Variants in SPIDR observed in about 807,000 individuals in gnomAD.
SPIDR encodes the protein scaffold protein involved in DNA repair.
SPIDR carries 93 observed loss-of-function variants against 104.6 expected under a neutral mutation model. The ratio of observed to expected loss-of-function variants is 0.89; its 90% confidence interval spans 0.75 to 1.06. The LOEUF is 1.06. Ranked by LOEUF, SPIDR falls within the 50% of genes least tolerant of loss-of-function variation. The pLI, the probability that SPIDR is intolerant of heterozygous loss-of-function variation, is 0.00. For missense variants in SPIDR, 1,154 were observed against 1,111.2 expected (o/e 1.04, Z -0.55); for synonymous variants, 431 against 416.9 (o/e 1.03, Z -0.41).
chr8:47,711,793 A>G (rs916690792), intron 14 of SPIDR, among the ~76,000 whole-genome samples: 11 of 152,236 alleles, frequency 7.2e-5, no homozygotes, highest in African/African-American at 2.4e-4. Context: ...TCCAACAGTA[A>G]GAAGCTTGGC....
At chr8:47,503,778 G>A (rs2080977641) in intron 8 of SPIDR, among the ~76,000 whole-genome samples, 1 of 152,142 alleles carries the variant, frequency 6.6e-6, no homozygotes, top group African/African-American at 2.4e-5. Context: ...GGTACCGGTT[G>A]TTCCTTTCCA....
chr8:47,491,095 G>T (rs2078631897), intron 8 of SPIDR, among the ~76,000 whole-genome samples: 1 of 152,066 alleles, frequency 6.6e-6, no homozygotes, highest in Admixed American at 6.6e-5. Flanking sequence ...ACATTTCGTG[G>T]TACTTCAAAC....
chr8:47,687,118 A>G (rs1386276749), intron 11 of SPIDR, among the ~76,000 whole-genome samples: 4 of 152,218 alleles, frequency 2.6e-5, no homozygotes, highest in South Asian at 4.1e-4. Flanking sequence ...CAAGCCACCA[A>G]CAACGGAGTG....
chr8:47,734,057 C>T (rs1009115144), intron 19 of SPIDR, among the ~76,000 whole-genome samples: 7 of 152,176 alleles, frequency 4.6e-5, no homozygotes, highest in African/African-American at 1.7e-4. Context: ...AACAAACCAT[C>T]TCAAAACTTG....
intron 8 of SPIDR, among the ~76,000 whole-genome samples, chr8:47,551,399 C>T (rs915003746): frequency 6.6e-6 from 1 of 152,112 alleles, no homozygotes; most frequent in African/African-American, 2.4e-5. Context: ...CCATCTGGTC[C>T]TGAACTTTTT....
chr8:47,427,762 G>A (rs559089861), intron 7 of SPIDR, among the ~76,000 whole-genome samples: 16 of 152,230 alleles, frequency 1.1e-4, no homozygotes, highest in South Asian at 4.1e-4. Context: ...CGGTCTTGTC[G>A]CAAGCGTGTA....
At chr8:47,700,636 T>C in intron 12 of SPIDR, 146 bp downstream of exon 12, 5 of 754,570 alleles carry the variant, frequency 6.6e-6, no homozygotes, top group Non-Finnish European at 1.1e-5. Flanking sequence ...TCCTTTGTAG[T>C]GATGCATGAA....
chr8:47,442,869 G>A (rs553020825), intron 8 of SPIDR, among the ~76,000 whole-genome samples: 1 of 152,178 alleles, frequency 6.6e-6, no homozygotes, highest in East Asian at 1.9e-4. Flanking sequence ...CAAAGTTCTG[G>A]GATTATAGGC....
At chr8:47,604,559 T>TCTCTGAC (rs2062712717) in intron 10 of SPIDR, among the ~76,000 whole-genome samples, 2 of 152,204 alleles carry the variant, frequency 1.3e-5, no homozygotes, top group Non-Finnish European at 2.9e-5. Flanking sequence ...ACTGGTGGGT[T>TCTCTGAC]CCTGAGTCTC....
chr8:47,471,559 C>T (rs1019811877), intron 8 of SPIDR, among the ~76,000 whole-genome samples: 1 of 151,944 alleles, frequency 6.6e-6, no homozygotes, highest in Non-Finnish European at 1.5e-5. Flanking sequence ...TGCACTTCTG[C>T]TGGAAATATA....
chr8:47,589,037 T>G (rs974997882), intron 8 of SPIDR, among the ~76,000 whole-genome samples: 27 of 149,722 alleles, frequency 1.8e-4, no homozygotes, highest in Admixed American at 4.6e-4. Context: ...TTTTTTTTTT[T>G]TTTTTTGTAC....
chr8:47,544,575 G>A (rs1185402949), intron 8 of SPIDR, among the ~76,000 whole-genome samples: 4 of 152,188 alleles, frequency 2.6e-5, no homozygotes, highest in Non-Finnish European at 5.9e-5. Flanking sequence ...GCCTGTGGGT[G>A]TCCAATTTCT....
At chr8:47,594,470 A>G (rs1479550144) in intron 8 of SPIDR, among the ~76,000 whole-genome samples, 2 of 152,138 alleles carry the variant, frequency 1.3e-5, no homozygotes, top group African/African-American at 4.8e-5. Context: ...GGGGAAGTCC[A>G]GGTCTTCACT....
At chr8:47,671,509 CG>C (rs774539365) in intron 10 of SPIDR, among the ~76,000 whole-genome samples, 5 of 151,642 alleles carry the variant, frequency 3.3e-5, no homozygotes, top group Non-Finnish European at 5.9e-5. Flanking sequence ...CACTTGAACA[CG>C]GGAGATGGAG....
chr8:47,447,907 C>A (rs1237566921), intron 8 of SPIDR, among the ~76,000 whole-genome samples: 1 of 152,160 alleles, frequency 6.6e-6, no homozygotes, highest in Non-Finnish European at 1.5e-5. Context: ...CTAAGGTATG[C>A]ACTTTTTTTA....
chr8:47,681,511 ATTG>A (rs1479469591), intron 11 of SPIDR, among the ~76,000 whole-genome samples: 2 of 152,118 alleles, frequency 1.3e-5, no homozygotes, highest in Admixed American at 1.3e-4. Context: ...GAGTGTCTTT[ATTG>A]TTACTGTAAA....
intron 7 of SPIDR, among the ~76,000 whole-genome samples, chr8:47,411,346 A>G (rs1341988134): frequency 2.0e-4 from 31 of 152,258 alleles, no homozygotes; most frequent in Middle Eastern, 3.4e-3. Flanking sequence ...TTTAATGATC[A>G]CCATTCTAAC....
At position 47,508,302 on chromosome 8, in the gene SPIDR, C is replaced by T. The variant is rs146615802; in HGVS notation, c.1097+67760C>T. Among the ~76,000 whole-genome samples, 370 of 152,244 alleles carry T rather than the reference C, an allele frequency of 2.4e-3. 1 individual carries two copies. The highest frequency in any genetic ancestry group is 0.012 in the South Asian group (59 of 4,828). On this transcript the variant is annotated intron_variant, in intron 8 of 19. Transcript: ENST00000297423. The stretch of plus-strand genomic sequence containing the variant: ...TTCCTGCTATTGGGATAGGAAAACA[C>T]GTACATGCAAACACATACCACTTTT...
intron 10 of SPIDR, among the ~76,000 whole-genome samples, chr8:47,633,819 C>T (rs2067449878): frequency 6.6e-6 from 1 of 152,178 alleles, no homozygotes; most frequent in South Asian, 2.1e-4. Flanking sequence ...TGAGGCTGAG[C>T]GTGGTGGCTC....
Sources: allele counts gnomAD v4.1 joint callset (sites outside exome capture counted in the v4.1 genomes callset), GRCh38; gene constraint gnomAD v4.1.1; transcripts MANE v1.5; gene names NCBI Gene and HGNC (gene_info 2026-07-23, HGNC 2026-07-21).